CALML4: variants seen among roughly 807,000 people sequenced by gnomAD.
The protein encoded by CALML4 is calmodulin like 4, also known as calmodulin-like protein 4.
A neutral mutation model predicts 17.9 loss-of-function variants in CALML4; 16 were observed. The observed-to-expected ratio is 0.89, with a 90% confidence interval of 0.61 to 1.36. The LOEUF is 1.36. Ranked by LOEUF, CALML4 falls within the 40% of genes most tolerant of loss-of-function variation. CALML4 has a pLI of 0.00. For synonymous variants in CALML4, 86 were observed against 71.5 expected, an observed-to-expected ratio of 1.20 and a Z score of -1.02; for missense variants, 203 against 194.8, an observed-to-expected ratio of 1.04 and a Z score of -0.25.
intron 4 of CALML4, among the ~76,000 whole-genome samples, chr15:68,194,550 A>C (rs2093134858): frequency 6.6e-6 from 1 of 151,864 alleles, no homozygotes; most frequent in African/African-American, 2.4e-5. Flanking sequence ...TGCCCGGCTA[A>C]TTTTTGTATT....
chr15:68,195,019 C>T (rs2093137781), intron 4 of CALML4, among the ~76,000 whole-genome samples: 1 of 143,312 alleles, frequency 7.0e-6, no homozygotes, highest in Admixed American at 7.0e-5. Context: ...GTATACAAAA[C>T]AAAACTGCCA....
intron 3 of CALML4, 43 bp downstream of exon 3, chr15:68,199,498 G>T: frequency 6.3e-7 from 1 of 1,581,626 alleles, no homozygotes; most frequent in Non-Finnish European, 8.6e-7. Flanking sequence ...GCACCCACCT[G>T]CTGGGCCCCT....
Position 68,205,319 on chromosome 15 carries a change from C to T in CALML4, c.-72G>A. On this transcript the variant is annotated 5_prime_UTR_variant, in exon 1 of 5. Transcript: ENST00000467889. This position sits in a 1 kb window ranked among gnomAD's most constrained non-coding sequence, Gnocchi z 4.8. ...CGTTCAGTTCCCTTTCCTCCAGCCT[C>T]AAGTCTAAAGTCTGCCAAGCTGGGT... 1 of 1,614,130 alleles carries T rather than the reference C, an allele frequency of 6.2e-7. No homozygotes were observed. Among genetic ancestry groups the T allele is most frequent in the Non-Finnish European group, 8.5e-7 (1 of 1,180,030 alleles).
Position 68,205,133 on chromosome 15 carries a change from C to T in CALML4, c.22G>A (p.Asp8Asn). The change falls in exon 2 of 5, where the codon GAC becomes AAC. Residue 8 changes from aspartate to asparagine, a missense_variant. Asp to Asn is a conservative substitution (Grantham distance 23, BLOSUM62 1). Coordinates refer to ENST00000467889, the MANE Select transcript of CALML4 (RefSeq NM_033429.3). The surrounding 1 kb of genome is among the most constrained non-coding windows in gnomAD (Gnocchi z 4.8). ...AAACCCAACCTACCATTAATTTGGT[C>T]TTGGGAAAGAAACTTGGCCTGCAGC... is the stretch of plus-strand genomic sequence containing the variant. MAKFLSQDQINEYKECFS... is the reference protein window; with the variant it reads MAKFLSQNQINEYKECFS... 1 of 1,614,108 alleles carries T rather than the reference C, an allele frequency of 6.2e-7. No individual in the cohort carries two copies. The highest frequency in any genetic ancestry group is 2.2e-5 in the East Asian group (1 of 44,882).
At chr15:68,205,474 C>T, upstream of CALML4, 1 of 1,434,468 alleles carries the variant, frequency 7.0e-7, no homozygotes, top group Non-Finnish European at 9.6e-7. The surrounding 1 kb of genome is among the most constrained non-coding windows in gnomAD (Gnocchi z 4.8). Flanking sequence ...GGAAATGGGG[C>T]TGCAGAAGGC....
chr15:68,197,877 TC>T lies in CALML4; in HGVS notation c.176-250del. 4.3e-6 allele frequency: 2 copies of T among 461,700 alleles called. No homozygotes were observed. The highest frequency in any genetic ancestry group is 7.8e-6 in the Non-Finnish European group (2 of 255,838). The allele number at this position is 461,700 out of a possible 1,614,324, so 28.6% of individuals were successfully genotyped here. ...ACGATGCTTATCATCACCCCAAAGCTCAAGAAAGTGGGTTCCCAACCACAGA... is the reference window on the plus strand; with the variant it reads ...ACGATGCTTATCATCACCCCAAAGCTAAGAAAGTGGGTTCCCAACCACAGA... On this transcript the variant is annotated intron_variant, in intron 3 of 4. Transcript: ENST00000467889. This position sits in a 1 kb window ranked among gnomAD's most constrained non-coding sequence, Gnocchi z 4.1.
chr15:68,196,964 C>T (rs544500616), intron 4 of CALML4, among the ~76,000 whole-genome samples: 1 of 45,126 alleles, frequency 2.2e-5, no homozygotes, highest in South Asian at 1.1e-3. Flanking sequence ...GGAAACTCGA[C>T]CTCAGCAGCA....
Position 68,197,140 on chromosome 15 carries a change from T to C in CALML4, c.364+300A>G, listed in dbSNP as rs567495032. 4.6e-3 allele frequency among the ~76,000 whole-genome samples: 534 copies of C among 115,316 alleles called. 2 individuals carry two copies. The highest frequency in any genetic ancestry group is 0.014 in the African/African-American group (496 of 34,494). 75.7% of individuals were successfully genotyped at this position (115,316 alleles called of 152,430 possible). On this transcript the variant is annotated intron_variant, in intron 4 of 4. Transcript: ENST00000467889. This position sits in a 1 kb window ranked among gnomAD's most constrained non-coding sequence, Gnocchi z 4.1. ...CTAGATGAAGCCCCACAGTGAGAGC[T>C]TGAACACAGGGGGAGACCAGACTGC...
chr15:68,205,710 G>A (rs767531443), upstream of CALML4: 5 of 315,770 alleles, frequency 1.6e-5, no homozygotes, highest in Admixed American at 4.1e-5. This position sits in a 1 kb window ranked among gnomAD's most constrained non-coding sequence, Gnocchi z 4.8. Context: ...CTTCCAAGAC[G>A]GCCTAACTCA....
chr15:68,195,638 G>T (rs973931621), intron 4 of CALML4, among the ~76,000 whole-genome samples: 2 of 152,164 alleles, frequency 1.3e-5, no homozygotes, highest in Non-Finnish European at 2.9e-5. Flanking sequence ...TCAGGAGAAG[G>T]CTTCACCCAC....
At position 68,205,067 on chromosome 15, in the gene CALML4, C is replaced by T. The variant is rs1181585399; in HGVS notation, c.34+54G>A. ...AGAAAACATGAGCAGAGCAAATTGCCTAATGAGACCCATATTTTGCTGAGT... is the reference window on the plus strand; with the variant it reads ...AGAAAACATGAGCAGAGCAAATTGCTTAATGAGACCCATATTTTGCTGAGT... On this transcript the variant is annotated intron_variant, in intron 2 of 4. Coordinates refer to ENST00000467889, the MANE Select transcript of CALML4 (RefSeq NM_033429.3). The surrounding 1 kb of genome is among the most constrained non-coding windows in gnomAD (Gnocchi z 4.8). The T allele has an allele frequency of 1.3e-6, 2 of 1,598,010 alleles. No individual in the cohort carries two copies. The highest frequency in any genetic ancestry group is 1.7e-5 in the Admixed American group (1 of 59,964).
rs2093177738 is a variant in CALML4, at chr15:68,205,069, A to G, written c.34+52T>C. The G allele has an allele frequency of 2.5e-6, 4 of 1,599,074 alleles. No individual in the cohort carries two copies. The highest frequency in any genetic ancestry group is 2.2e-5 in the South Asian group (2 of 90,716). On this transcript the variant is annotated intron_variant, in intron 2 of 4. Coordinates refer to ENST00000467889, the MANE Select transcript of CALML4 (RefSeq NM_033429.3). The surrounding 1 kb of genome is among the most constrained non-coding windows in gnomAD (Gnocchi z 4.8). Reference sequence around the variant, plus strand: ...AAAACATGAGCAGAGCAAATTGCCTAATGAGACCCATATTTTGCTGAGTTG... The same window carrying G: ...AAAACATGAGCAGAGCAAATTGCCTGATGAGACCCATATTTTGCTGAGTTG...
rs2093173969 is a variant in CALML4, at chr15:68,204,033, A to G, written c.34+1088T>C. On this transcript the variant is annotated intron_variant, in intron 2 of 4. Coordinates refer to ENST00000467889, the MANE Select transcript of CALML4 (RefSeq NM_033429.3). The surrounding 1 kb of genome is among the most constrained non-coding windows in gnomAD (Gnocchi z 6.0). ...GTCCACCATTCATTATCACCGTTAG[A>G]CCTGGACAAGAGGGCACTGCCCCGG... Among the ~76,000 whole-genome samples, 1 of 152,164 alleles carries G rather than the reference A, an allele frequency of 6.6e-6. No individual in the cohort carries two copies. Among genetic ancestry groups the G allele is most frequent in the East Asian group, 1.9e-4 (1 of 5,158 alleles).
In CALML4 at chr15:68,192,623, C is replaced by A. The variant is rs1348010461; in HGVS notation, c.*1392G>T. ...GGCCTTGTTTGGGTCTGAAGCCACA[C>A]AGCATCGTTGAGACAGTTGCACTAA... On this transcript the variant is annotated 3_prime_UTR_variant, in exon 5 of 5. Coordinates refer to ENST00000467889, the MANE Select transcript of CALML4 (RefSeq NM_033429.3). 6.6e-6 allele frequency: 1 copy of A among 152,248 alleles called. No individual in the cohort carries two copies. The highest frequency in any genetic ancestry group is 1.5e-5 in the Non-Finnish European group (1 of 68,060). The allele number at this position is 152,248 out of a possible 1,614,324, so 9.4% of individuals were successfully genotyped here. A position where few individuals can be genotyped will look rare whatever the true frequency, so the allele number is the denominator to read the frequency against.
chr15:68,196,753 G>A (rs971573984), intron 4 of CALML4, among the ~76,000 whole-genome samples: 3 of 152,108 alleles, frequency 2.0e-5, no homozygotes, highest in Non-Finnish European at 2.9e-5. Context: ...CCCAGGCCTC[G>A]TCCTGCTCTG....
Position 68,200,505 on chromosome 15 carries a change from T to A in CALML4, c.35-824A>T, listed in dbSNP as rs1274718979. 6.6e-6 allele frequency among the ~76,000 whole-genome samples: 1 copy of A among 152,164 alleles called. No homozygotes were observed. Among genetic ancestry groups the A allele is most frequent in the Non-Finnish European group, 1.5e-5 (1 of 68,024 alleles). On this transcript the variant is annotated intron_variant, in intron 2 of 4. Transcript: ENST00000467889. This position sits in a 1 kb window ranked among gnomAD's most constrained non-coding sequence, Gnocchi z 4.3. ...GGCCTGACACAGCCATCCCACGGGC[T>A]CCCGGCCCTGGGAGGCCCAGGAAGG...
intron 4 of CALML4, among the ~76,000 whole-genome samples, chr15:68,196,954 G>A (rs770554866): frequency 1.4e-5 from 2 of 138,872 alleles, no homozygotes; most frequent in Admixed American, 7.5e-5. Context: ...ACCTCAATTC[G>A]GAAACTCGAC....
In CALML4 at chr15:68,197,598, A is replaced by C. The variant is rs1333064506; in HGVS notation, c.206T>G (p.Phe69Cys). Residue 69 changes from phenylalanine (F) to cysteine (C), a missense_variant, in exon 4 of 5, where the codon TTT becomes TGT. Physicochemically the swap from Phe to Cys is radical, Grantham distance 205 (BLOSUM62 -2). Transcript: ENST00000467889. This position sits in a 1 kb window ranked among gnomAD's most constrained non-coding sequence, Gnocchi z 4.1. ...TATTTGCATGTGCATAATGGTCAGAAAAGTGGAGAAATCCAGCTCTCCATT... is the reference window on the plus strand; with the variant it reads ...TATTTGCATGTGCATAATGGTCAGACAAGTGGAGAAATCCAGCTCTCCATT... The part of the protein sequence containing the change: ...DGNGELDFST[F>C]LTIMHMQIKQ... 6.2e-7 allele frequency: 1 copy of C among 1,613,984 alleles called. No homozygotes were observed. The highest frequency in any genetic ancestry group is 8.5e-7 in the Non-Finnish European group (1 of 1,180,026).
chr15:68,205,663 G>C, upstream of CALML4: 2 of 416,138 alleles, frequency 4.8e-6, no homozygotes, highest in South Asian at 2.4e-5. This position sits in a 1 kb window ranked among gnomAD's most constrained non-coding sequence, Gnocchi z 4.8. Flanking sequence ...TCGTATTGAA[G>C]GCTCCTCACA....
Sources: allele counts gnomAD v4.1 joint callset (sites outside exome capture counted in the v4.1 genomes callset), GRCh38; gene constraint gnomAD v4.1.1; non-coding constraint Gnocchi (gnomAD v3.1); transcripts MANE v1.5; gene names NCBI Gene and HGNC (gene_info 2026-07-23, HGNC 2026-07-21).